DLG2: variants seen among roughly 807,000 people sequenced by gnomAD.
The protein encoded by DLG2 is disks large homolog 2.
A neutral mutation model predicts 132.5 loss-of-function variants in DLG2; 45 were observed. The ratio of observed to expected loss-of-function variants is 0.34; its 90% CI spans 0.27 to 0.44. The LOEUF (loss-of-function observed/expected upper bound fraction) is 0.44, where lower values mean the gene tolerates loss of function less well. Among genes scored for constraint, DLG2 ranks in the 20% least tolerant of loss-of-function variants. The probability of loss-of-function intolerance (pLI) is 1.00; values close to 1 mark genes in which losing one functional copy is unlikely to be tolerated. For synonymous variants in DLG2, 424 were observed against 419.6 expected (o/e 1.01, Z -0.13); for missense variants, 1,045 against 1,196.9 (o/e 0.87, Z 1.87).
chr11:84,874,533 A>T (rs2086016664), intron 6 of DLG2, among the ~76,000 whole-genome samples: 1 of 152,148 alleles, frequency 6.6e-6, no homozygotes. Context: ...TTAAAATGAA[A>T]TGCTGTCAAC....
chr11:84,648,027 G>A (rs1413822611), intron 6 of DLG2, among the ~76,000 whole-genome samples: 1 of 152,100 alleles, frequency 6.6e-6, no homozygotes, highest in Non-Finnish European at 1.5e-5. Context: ...TGAAGAAAAT[G>A]AGGCCTAGAA....
At chr11:84,544,746 G>C (rs1392382505) in intron 6 of DLG2, among the ~76,000 whole-genome samples, 1 of 152,108 alleles carries the variant, frequency 6.6e-6, no homozygotes, top group Non-Finnish European at 1.5e-5. Context: ...CTGTACTCCT[G>C]GCATACAGTG....
In DLG2 at chr11:84,592,933, TAAAAAAAAAAAAAAAA is replaced by T. The variant is rs61017970; in HGVS notation, c.358-58218_358-58203del. Among the ~76,000 whole-genome samples the T allele has an allele frequency of 7.1e-4, 13 of 18,198 alleles. No individual in the cohort carries two copies. The East Asian group carries it at 0.012, about 17-fold the overall frequency. 11.9% of individuals were successfully genotyped at this position (18,198 alleles called of 152,430 possible). On this transcript the variant is annotated intron_variant, in intron 6 of 27. Transcript: ENST00000376104. ...TAACACGGTGAAACCCTGTCTCTAC[TAAAAAAAAAAAAAAAA>T]AAAAAAAAAAAAAAAAAAAAAAAGT...
At chr11:85,409,693 G>C (rs894810324) in intron 3 of DLG2, among the ~76,000 whole-genome samples, 1 of 151,678 alleles carries the variant, frequency 6.6e-6, no homozygotes, top group Non-Finnish European at 1.5e-5. Flanking sequence ...TATCTGGGGG[G>C]GTGGAGAAAT....
Position 84,913,610 on chromosome 11 carries a change from A to G in DLG2, c.357+198051T>C, listed in dbSNP as rs149672264. Among the ~76,000 whole-genome samples, 3 of 152,332 alleles carry G rather than the reference A, an allele frequency of 2.0e-5. No individual in the cohort carries two copies. In the South Asian group the frequency reaches 6.2e-4, roughly 32 times the overall value. ...CTTATCACATAGTATGAGCAAGAAC[A>G]CATGACAAATAATACATCTTAATCC... On this transcript the variant is annotated intron_variant, in intron 6 of 27. Transcript: ENST00000376104.
At chr11:84,162,515 T>A (rs907299924) in intron 9 of DLG2, among the ~76,000 whole-genome samples, 1 of 152,088 alleles carries the variant, frequency 6.6e-6, no homozygotes, top group Non-Finnish European at 1.5e-5. Context: ...TATCCTTTTT[T>A]GTTTATTATT....
intron 15 of DLG2, among the ~76,000 whole-genome samples, chr11:83,905,073 G>A (rs1290413325): frequency 6.6e-6 from 1 of 151,926 alleles, no homozygotes; most frequent in African/African-American, 2.4e-5. Context: ...CATGCATTTA[G>A]GATAAAATTG....
intron 15 of DLG2, among the ~76,000 whole-genome samples, chr11:83,905,924 T>C (rs1285670397): frequency 2.0e-5 from 3 of 152,048 alleles, no homozygotes; most frequent in Non-Finnish European, 2.9e-5. Flanking sequence ...AATTATATTG[T>C]TTTGCACTAT....
chr11:85,168,946 A>G (rs1350379369), intron 4 of DLG2, among the ~76,000 whole-genome samples: 1 of 152,178 alleles, frequency 6.6e-6, no homozygotes, highest in Non-Finnish European at 1.5e-5. Context: ...AAAGTAAAAC[A>G]AGCAAAGTGC....
At chr11:83,825,816 G>T (rs1289116063) in intron 17 of DLG2, among the ~76,000 whole-genome samples, 2 of 152,174 alleles carry the variant, frequency 1.3e-5, no homozygotes, top group Admixed American at 1.3e-4. Context: ...CACAACTCTG[G>T]CTCCCTAGAA....
intron 4 of DLG2, among the ~76,000 whole-genome samples, chr11:85,262,460 A>C (rs566369388): frequency 6.6e-6 from 1 of 152,278 alleles, no homozygotes; most frequent in East Asian, 1.9e-4. Flanking sequence ...GGTCTGAAGA[A>C]ACCACCCGTA....
Position 83,921,985 on chromosome 11 carries a change from C to T in DLG2, c.1496+8343G>A, listed in dbSNP as rs564546203. On this transcript the variant is annotated intron_variant, in intron 15 of 27. Coordinates refer to ENST00000376104, the MANE Select transcript of DLG2 (RefSeq NM_001142699.3). The stretch of plus-strand genomic sequence containing the variant: ...ACTCTGTTATCTCAAGGTATTTGAC[C>T]CTCATGAAGCCTCCTGACTCTACCT... 1.9e-3 allele frequency among the ~76,000 whole-genome samples: 292 copies of T among 152,118 alleles called. 1 individual carries two copies. The highest frequency in any genetic ancestry group is 6.4e-3 in the South Asian group (31 of 4,814).
intron 6 of DLG2, among the ~76,000 whole-genome samples, chr11:85,015,089 C>CA (rs1325274241): frequency 3.3e-5 from 5 of 152,150 alleles, no homozygotes; most frequent in African/African-American, 1.2e-4. Flanking sequence ...GCAGCTAAGT[C>CA]ACCAAGAGCA....
At chr11:83,490,986 T>C (rs1565449996) in intron 21 of DLG2, among the ~76,000 whole-genome samples, 1 of 152,108 alleles carries the variant, frequency 6.6e-6, no homozygotes, top group South Asian at 2.1e-4. Flanking sequence ...AATATATTCA[T>C]AATTCTACTT....
chr11:84,963,910 T>C (rs1431192344), intron 6 of DLG2, among the ~76,000 whole-genome samples: 1 of 152,130 alleles, frequency 6.6e-6, no homozygotes, highest in Non-Finnish European at 1.5e-5. Context: ...TTTGTGAAGG[T>C]TACCCAGTAA....
chr11:84,875,613 T>G (rs904876657), intron 6 of DLG2, among the ~76,000 whole-genome samples: 1 of 152,198 alleles, frequency 6.6e-6, no homozygotes, highest in Non-Finnish European at 1.5e-5. Flanking sequence ...ACTTTAGGTT[T>G]TTTGCCATTA....
At chr11:84,892,280 C>A (rs1454082001) in intron 6 of DLG2, among the ~76,000 whole-genome samples, 1 of 152,034 alleles carries the variant, frequency 6.6e-6, no homozygotes. Flanking sequence ...ATGGTCATGC[C>A]AAACTCAAAA....
At chr11:84,572,258 T>C (rs76501341) in intron 6 of DLG2, among the ~76,000 whole-genome samples, 2,895 of 152,274 alleles carry the variant, frequency 0.019, 37 homozygotes, top group Middle Eastern at 0.044. Context: ...ATTACAATTC[T>C]TTATAGTACT....
chr11:84,551,358 T>C (rs1393183370), intron 6 of DLG2, among the ~76,000 whole-genome samples: 1 of 152,212 alleles, frequency 6.6e-6, no homozygotes, highest in African/African-American at 2.4e-5. Context: ...TTGTAGAATG[T>C]TATTTTGTGC....
Sources: gnomAD v4.1 joint callset for allele counts (sites outside exome capture counted in the v4.1 genomes callset) on GRCh38, gnomAD v4.1.1 for gene constraint, MANE v1.5 for transcripts, NCBI Gene and HGNC (gene_info 2026-07-23, HGNC 2026-07-21) for gene names.